Variants in TOMM7 observed in about 807,000 individuals in gnomAD.
TOMM7 encodes the protein mitochondrial import receptor subunit TOM7 homolog.
In TOMM7, 8 loss-of-function variants were observed where a neutral mutation model predicts 9.5. That is an observed-to-expected ratio of 0.84 (90% CI 0.49 to 1.51). The LOEUF (loss-of-function observed/expected upper bound fraction) is 1.51, where lower values mean the gene tolerates loss of function less well. Among genes scored for constraint, TOMM7 ranks in the 40% most tolerant of loss-of-function variants. The pLI is 0.00. For synonymous variants in TOMM7, 27 were observed against 21.4 expected (o/e 1.26, Z -0.72); for missense variants, 74 against 63.7 (o/e 1.16, Z -0.55).
chr7:22,821,298 T>C lies in TOMM7; in HGVS notation c.103+1379A>G, dbSNP rs532733794. The stretch of plus-strand genomic sequence containing the variant: ...TGGTGGCGGGCGCTGTAGTCCCAGC[T>C]GTGCGGGAGGCTGAGGCAGGAGAAT... On this transcript the variant is annotated intron_variant, in intron 1 of 2. Coordinates refer to ENST00000358435, the MANE Select transcript of TOMM7 (RefSeq NM_019059.5). Among the ~76,000 whole-genome samples the C allele has an allele frequency of 9.2e-4, 140 of 151,374 alleles. 1 individual carries two copies. The highest frequency in any genetic ancestry group is 3.4e-3 in the African/African-American group (139 of 41,236).
At chr7:22,818,324 T>A (rs1422309515) in intron 1 of TOMM7, 1 of 297,378 alleles carries the variant, frequency 3.4e-6, no homozygotes, top group Non-Finnish European at 6.5e-6. Flanking sequence ...GCTGGAGTGC[T>A]GTGGTATGAT....
Position 22,822,732 on chromosome 7 carries a change from G to A in TOMM7, c.48C>T (p.Phe16=). Residue 16 remains phenylalanine (F), a synonymous_variant, in exon 1 of 3, where the codon TTC becomes TTT. Coordinates refer to ENST00000358435, the MANE Select transcript of TOMM7 (RefSeq NM_019059.5). The stretch of plus-strand genomic sequence containing the variant: ...AGCGAATGGCAAACTGGCTCCCCTT[G>A]AAGAGCTGCTGTAGTCTCTGCTTGG... ...KEAKQRLQQL[F]KGSQFAIRWG... 2 of 1,614,218 alleles carry A rather than the reference G, an allele frequency of 1.2e-6. No individual in the cohort carries two copies. Among genetic ancestry groups the A allele is most frequent in the Non-Finnish European group, 1.7e-6 (2 of 1,180,046 alleles).
chr7:22,822,727 C>T lies in TOMM7; in HGVS notation c.53G>A (p.Gly18Glu), dbSNP rs1316614437. The change falls in exon 1 of 3, where the codon GGG (glycine) becomes GAG (glutamate). Residue 18 changes from glycine to glutamate, a missense_variant. By Grantham distance (98) the Gly-to-Glu change is moderately conservative (BLOSUM62 -2). Coordinates refer to ENST00000358435, the MANE Select transcript of TOMM7 (RefSeq NM_019059.5). ...AKQRLQQLFK[G>E]SQFAIRWGFI... ...GCCCCAGCGAATGGCAAACTGGCTC[C>T]CCTTGAAGAGCTGCTGTAGTCTCTG... 1.2e-6 allele frequency: 2 copies of T among 1,614,194 alleles called. No individual in the cohort carries two copies. The highest frequency in any genetic ancestry group is 2.2e-5 in the East Asian group (1 of 44,888).
In TOMM7 at chr7:22,822,804, G is replaced by A. The variant is rs745677965; in HGVS notation, c.-25C>T. ...TGGCGACGGCCGTGTGGCGCAGGGA[G>A]GACCCCTTACAGCAACCACAGCGTC... On this transcript the variant is annotated 5_prime_UTR_variant, in exon 1 of 3. Coordinates refer to ENST00000358435, the MANE Select transcript of TOMM7 (RefSeq NM_019059.5). The A allele has an allele frequency of 1.9e-6, 3 of 1,593,686 alleles. No individual in the cohort carries two copies. Among genetic ancestry groups the A allele is most frequent in the African/African-American group, 1.3e-5 (1 of 74,522 alleles).
chr7:22,820,016 G>C (rs1782366474), intron 1 of TOMM7, among the ~76,000 whole-genome samples: 1 of 152,140 alleles, frequency 6.6e-6, no homozygotes, highest in South Asian at 2.1e-4. Flanking sequence ...GCTGGTTTTA[G>C]TGAGAGTTGA....
chr7:22,817,527 T>G (rs894684549), intron 2 of TOMM7: 1 of 208,036 alleles, frequency 4.8e-6, no homozygotes, highest in African/African-American at 2.4e-5. Context: ...GTGCTGAGAT[T>G]ACAGGTGTGA....
chr7:22,814,995 C>T (rs1317856353), intron 2 of TOMM7, among the ~76,000 whole-genome samples: 1 of 152,146 alleles, frequency 6.6e-6, no homozygotes, highest in African/African-American at 2.4e-5. Context: ...GTCACTCTTC[C>T]CAGTGCAGGG....
rs1782339762 is a variant in TOMM7, at chr7:22,818,066, G to A, written c.104-18C>T. On this transcript the variant is annotated intron_variant, in intron 1 of 2. Coordinates refer to ENST00000358435, the MANE Select transcript of TOMM7 (RefSeq NM_019059.5). Reference sequence around the variant, plus strand: ...CTTAAATCCTGAATCAAGGAAGACAGAAGAGAAAAAATATTAATTAAAACC... The same window carrying A: ...CTTAAATCCTGAATCAAGGAAGACAAAAGAGAAAAAATATTAATTAAAACC... The A allele has an allele frequency of 1.9e-6, 3 of 1,611,650 alleles. No homozygotes were observed. Among genetic ancestry groups the A allele is most frequent in the African/African-American group, 2.7e-5 (2 of 74,972 alleles).
intron 2 of TOMM7, among the ~76,000 whole-genome samples, chr7:22,817,179 C>T (rs1782327196): frequency 6.6e-6 from 1 of 152,066 alleles, no homozygotes; most frequent in African/African-American, 2.4e-5. Flanking sequence ...TGAGATTATA[C>T]CTATATATAT....
chr7:22,820,706 G>T (rs1782375866), intron 1 of TOMM7, among the ~76,000 whole-genome samples: 1 of 152,122 alleles, frequency 6.6e-6, no homozygotes, highest in African/African-American at 2.4e-5. Context: ...AAGTGGGTGT[G>T]GGGGGAGGTG....
chr7:22,821,405 CAAAAAAAAA>C (rs76073004), intron 1 of TOMM7, among the ~76,000 whole-genome samples: 4 of 123,008 alleles, frequency 3.3e-5, no homozygotes, highest in African/African-American at 5.6e-5. Flanking sequence ...GACCCCGTCT[CAAAAAAAAA>C]AAAAAAAAAG....
intron 2 of TOMM7, among the ~76,000 whole-genome samples, chr7:22,816,353 T>C (rs1782316155): frequency 6.6e-6 from 1 of 152,376 alleles, no homozygotes; most frequent in Non-Finnish European, 1.5e-5. Flanking sequence ...TCCTCTCTTA[T>C]GTTTCCCAAG....
intron 1 of TOMM7, among the ~76,000 whole-genome samples, chr7:22,821,420 A>ATT (rs1562674188): frequency 6.7e-6 from 1 of 148,760 alleles, no homozygotes; most frequent in Non-Finnish European, 1.5e-5. Flanking sequence ...AAAAAAAAAA[A>ATT]AAAGAAAAAG....
intron 1 of TOMM7, chr7:22,822,110 T>C: frequency 6.5e-7 from 1 of 1,546,702 alleles, no homozygotes; most frequent in Non-Finnish European, 8.7e-7. Context: ...TCAGCATAGC[T>C]GTGCGACCTT....
At chr7:22,817,291 TTC>T (rs1782329077) in intron 2 of TOMM7, 1 of 153,714 alleles carries the variant, frequency 6.5e-6, no homozygotes, top group South Asian at 2.0e-4. Flanking sequence ...GCAAGATCAT[TTC>T]TGAGAAAGGA....
At chr7:22,816,345 C>T (rs534650132) in intron 2 of TOMM7, among the ~76,000 whole-genome samples, 1 of 152,320 alleles carries the variant, frequency 6.6e-6, no homozygotes, top group South Asian at 2.1e-4. Context: ...CTCAGTAGTC[C>T]TCTCTTATGT....
intron 1 of TOMM7, among the ~76,000 whole-genome samples, chr7:22,821,472 C>A (rs867316273): frequency 1.3e-5 from 2 of 151,234 alleles, no homozygotes; most frequent in South Asian, 2.1e-4. Context: ...ACTTGTAATC[C>A]CAGCACTTTG....
chr7:22,822,045 A>C, intron 1 of TOMM7: 1 of 1,287,944 alleles, frequency 7.8e-7, no homozygotes, highest in Non-Finnish European at 1.0e-6. Context: ...GTGCGCTATA[A>C]TGGTTAAGAC....
chr7:22,817,637 C>T, intron 2 of TOMM7: 1 of 185,646 alleles, frequency 5.4e-6, no homozygotes, highest in Non-Finnish European at 1.1e-5. Context: ...ATGGGACAGC[C>T]AACTAAAATT....
Sources: gnomAD v4.1 joint callset for allele counts (sites outside exome capture counted in the v4.1 genomes callset) on GRCh38, gnomAD v4.1.1 for gene constraint, MANE v1.5 for transcripts, NCBI Gene and HGNC (gene_info 2026-07-23, HGNC 2026-07-21) for gene names.